ABCA1: variants seen among roughly 807,000 people sequenced by gnomAD.
ABCA1 encodes ATP binding cassette subfamily A member 1.
Under a neutral mutation model 262.5 loss-of-function variants are expected in ABCA1, and 133 were observed. The observed-to-expected ratio is 0.51, with a 90% CI of 0.44 to 0.59. The LOEUF is 0.59. ABCA1 is among the 20% of genes least tolerant of loss of function. The pLI, the probability that ABCA1 is intolerant of heterozygous loss-of-function variation, is 0.00. For synonymous variants in ABCA1, 1,022 were observed against 1,043.5 expected (o/e 0.98, Z 0.40); for missense variants, 2,452 against 2,777.5 (o/e 0.88, Z 2.63).
At chr9:104,805,433 A>G (rs1039851002) in intron 31 of ABCA1, among the ~76,000 whole-genome samples, 4 of 152,216 alleles carry the variant, frequency 2.6e-5, no homozygotes, top group African/African-American at 7.2e-5. Flanking sequence ...GTACTCATTT[A>G]GAATTGCTTG....
chr9:104,876,340 C>T (rs1037412178), intron 5 of ABCA1, among the ~76,000 whole-genome samples: 4 of 152,166 alleles, frequency 2.6e-5, no homozygotes, highest in African/African-American at 9.7e-5. Flanking sequence ...GATGTGAGGA[C>T]GCCCTATCCC....
intron 1 of ABCA1, among the ~76,000 whole-genome samples, chr9:104,907,259 G>T (rs550382943): frequency 1.3e-5 from 2 of 152,154 alleles, no homozygotes; most frequent in Non-Finnish European, 2.9e-5. Flanking sequence ...CCTGGCTAAT[G>T]CCTAGGTCTC....
At chr9:104,845,430 G>T (rs1704122949) in intron 8 of ABCA1, 47 bp downstream of exon 8, 3 of 1,351,722 alleles carry the variant, frequency 2.2e-6, no homozygotes, top group African/African-American at 2.9e-5. Context: ...TGAAAATACT[G>T]ATACAGTGGA....
rs1274809465 is a variant in ABCA1 at position 104,817,653 on chromosome 9, G to A, written c.3463-249C>T. On this transcript the variant is annotated intron_variant, in intron 23 of 49. Coordinates refer to ENST00000374736, the MANE Select transcript of ABCA1 (RefSeq NM_005502.4). This position sits in a 1 kb window ranked among gnomAD's most constrained non-coding sequence, Gnocchi z 4.7. ...AGAGCTGCCAAAAGAACTGTGGCCT[G>A]CCAATGAATGCTGCAATGAGGCCTT... 1.3e-5 allele frequency among the ~76,000 whole-genome samples: 2 copies of A among 152,346 alleles called. No individual in the cohort carries two copies. The highest frequency in any genetic ancestry group is 3.9e-4 in the East Asian group (2 of 5,180).
intron 1 of ABCA1, chr9:104,927,485 TG>T (rs1826444302): frequency 6.6e-6 from 1 of 152,226 alleles, no homozygotes; most frequent in South Asian, 2.1e-4. Flanking sequence ...AAGAACCGAG[TG>T]AAGACTCAGT....
chr9:104,829,282 G>GT lies in ABCA1; in HGVS notation c.1893-145dup, dbSNP rs1223989255. On this transcript the variant is annotated intron_variant, in intron 14 of 49. Coordinates refer to ENST00000374736, the MANE Select transcript of ABCA1 (RefSeq NM_005502.4). Reference sequence around the variant, plus strand: ...AGGCCCTCTAGACTCTGAAATGTACGTATGATCCAATGCTTCACGAGCAAT... The same window carrying GT: ...AGGCCCTCTAGACTCTGAAATGTACGTTATGATCCAATGCTTCACGAGCAAT... 8.9e-6 allele frequency: 7 copies of GT among 785,786 alleles called. No homozygotes were observed. The African/African-American group carries it at 1.0e-4, about 12-fold the overall frequency. 48.7% of individuals were successfully genotyped at this position (785,786 alleles called of 1,614,324 possible).
chr9:104,882,028 TAAAAAAAAAAAAAAAAAA>T (rs557626075), intron 5 of ABCA1, among the ~76,000 whole-genome samples: 1 of 73,748 alleles, frequency 1.4e-5, no homozygotes, highest in South Asian at 5.9e-4. Context: ...TCTGTAGCCT[TAAAAAAAAAAAAAAAAAA>T]AAAAAAAAAA....
chr9:104,840,380 T>G lies in ABCA1; in HGVS notation c.953A>C (p.Lys318Thr), dbSNP rs1270136273. ...VCGHPEGGGL[K>T]IKSLNWYEDN... The stretch of plus-strand genomic sequence containing the variant: ...CTCATACCAGTTGAGAGACTTGATC[T>G]TCAGCCCCCCTCCCTCGGGATGCCC... The change falls in exon 9 of 50, where the codon AAG becomes ACG. Residue 318 changes from lysine to threonine, a missense_variant. Around this residue, in one of 4 missense-constraint regions of ABCA1, gnomAD observed 1,032 missense variants for 1,089.7 expected, o/e 0.95. Transcript: ENST00000374736. The G allele has an allele frequency of 1.2e-6, 2 of 1,614,210 alleles. No homozygotes were observed. Among genetic ancestry groups the G allele is most frequent in the Non-Finnish European group, 1.7e-6 (2 of 1,180,048 alleles).
At chr9:104,818,048 T>G (rs1486810581) in intron 23 of ABCA1, among the ~76,000 whole-genome samples, 1 of 152,274 alleles carries the variant, frequency 6.6e-6, no homozygotes, top group South Asian at 2.1e-4. Context: ...GTTATTTACC[T>G]GCTGGGTGAC....
intron 42 of ABCA1, 76 bp from the exon 43 acceptor site, chr9:104,792,074 C>T: frequency 7.6e-7 from 1 of 1,307,318 alleles, no homozygotes; most frequent in East Asian, 2.5e-5. Context: ...GAAGGCAGGA[C>T]TATAAACCAC....
intron 5 of ABCA1, among the ~76,000 whole-genome samples, chr9:104,866,396 T>C (rs1173615755): frequency 6.6e-6 from 1 of 152,032 alleles, no homozygotes; most frequent in Non-Finnish European, 1.5e-5. Context: ...CCCATCCTCA[T>C]GACATGGCCC....
chr9:104,839,971 C>G (rs1217769492), intron 9 of ABCA1, among the ~76,000 whole-genome samples: 1 of 152,200 alleles, frequency 6.6e-6, no homozygotes, highest in Admixed American at 6.5e-5. Flanking sequence ...CTGCCATTAT[C>G]TCATTCTTGA....
chr9:104,906,123 A>G (rs1486964563), intron 1 of ABCA1, among the ~76,000 whole-genome samples: 4 of 152,230 alleles, frequency 2.6e-5, no homozygotes, highest in African/African-American at 4.8e-5. Context: ...TTCCAACAAT[A>G]TCCTCTAGCT....
chr9:104,919,795 C>G (rs562532110), intron 1 of ABCA1, among the ~76,000 whole-genome samples: 2 of 152,230 alleles, frequency 1.3e-5, no homozygotes, highest in South Asian at 4.2e-4. Flanking sequence ...GATGAGAACC[C>G]CTTCTGGTTC....
At chr9:104,793,456 G>A (rs961387854) in intron 40 of ABCA1, among the ~76,000 whole-genome samples, 156 bp from the exon 41 acceptor site, 1 of 151,912 alleles carries the variant, frequency 6.6e-6, no homozygotes, top group Non-Finnish European at 1.5e-5. Context: ...ACAAGAGAGT[G>A]ATCACTTTCC....
At chr9:104,837,907 T>A (rs1833965253) in intron 9 of ABCA1, among the ~76,000 whole-genome samples, 1 of 152,162 alleles carries the variant, frequency 6.6e-6, no homozygotes, top group Non-Finnish European at 1.5e-5. Context: ...AGCCCTCCCA[T>A]CCAGATTCAC....
At position 104,818,876 on chromosome 9, in the gene ABCA1, G is replaced by A; in HGVS notation, c.3249C>T (p.Thr1083=). 1.2e-6 allele frequency: 2 copies of A among 1,612,716 alleles called. No individual in the cohort carries two copies. The highest frequency in any genetic ancestry group is 1.1e-5 in the South Asian group (1 of 90,880). ...ELLLKYRQGR[T]IILSTHHMDE... is the part of the protein sequence containing the mutation. ...CCATGTGGTGTGTAGAGAGAATAAT[G>A]GTGCGGCCTGCCAGGCACAAACACA... The change falls in exon 23 of 50, where the codon ACC becomes ACT. Residue 1083 remains threonine, a synonymous_variant. Coordinates refer to ENST00000374736, the MANE Select transcript of ABCA1 (RefSeq NM_005502.4).
chr9:104,833,603 T>C (rs1453270286), intron 11 of ABCA1, among the ~76,000 whole-genome samples: 3 of 152,190 alleles, frequency 2.0e-5, no homozygotes. Flanking sequence ...AGGCCCTCTG[T>C]TTCTAGTGCA....
chr9:104,883,592 T>C (rs919379386), intron 4 of ABCA1, among the ~76,000 whole-genome samples: 6 of 152,236 alleles, frequency 3.9e-5, no homozygotes, highest in African/African-American at 1.4e-4. Flanking sequence ...TGAATAATCA[T>C]GAATCTGGTC....
Sources: gnomAD v4.1 joint callset for allele counts (sites outside exome capture counted in the v4.1 genomes callset) on GRCh38, gnomAD v4.1.1 for gene constraint, gnomAD v4.1.1 regional missense constraint, Gnocchi (gnomAD v3.1) non-coding constraint, MANE v1.5 for transcripts, NCBI Gene and HGNC (gene_info 2026-07-23, HGNC 2026-07-21) for gene names.